Variants in KIF13A observed in about 807,000 individuals in gnomAD.
KIF13A encodes kinesin family member 13A.
A neutral mutation model predicts 212.2 loss-of-function variants in KIF13A; 79 were observed. The ratio of observed to expected loss-of-function variants is 0.37; its 90% CI spans 0.31 to 0.45. KIF13A has a LOEUF of 0.45. KIF13A is among the 20% of genes least tolerant of loss of function. The pLI is 1.00. For missense variants in KIF13A, 1,901 were observed against 2,209.0 expected (o/e 0.86, Z 2.79); for synonymous variants, 789 against 808.6 (o/e 0.98, Z 0.41).
At position 17,808,795 on chromosome 6, in the gene KIF13A, A is replaced by T. The variant is rs376926054; in HGVS notation, c.2136T>A (p.Pro712=). The T allele has an allele frequency of 3.1e-6, 5 of 1,613,566 alleles. No individual in the cohort carries two copies. Among genetic ancestry groups the T allele is most frequent in the Non-Finnish European group, 4.2e-6 (5 of 1,179,782 alleles). Residue 712 remains proline (P), a synonymous_variant, in exon 18 of 39, where the codon CCT becomes CCA. Coordinates refer to ENST00000259711, the MANE Select transcript of KIF13A (RefSeq NM_022113.6). ...LTDYQVTLQI[P]AANLSANRKR... Reference sequence around the variant, plus strand: ...TCCTATTGGCACTGAGGTTTGCAGCAGGGATCTGAAGAGTCACTTGGTAAT... The same window carrying T: ...TCCTATTGGCACTGAGGTTTGCAGCTGGGATCTGAAGAGTCACTTGGTAAT...
At chr6:17,929,213 A>G (rs919031387) in intron 2 of KIF13A, among the ~76,000 whole-genome samples, 2 of 152,098 alleles carry the variant, frequency 1.3e-5, no homozygotes, top group African/African-American at 2.4e-5. Context: ...TGTGTGTGAG[A>G]GAGACAGAGA....
At chr6:17,852,140 G>T in intron 6 of KIF13A, 98 bp from the exon 7 acceptor site, 1 of 536,400 alleles carries the variant, frequency 1.9e-6, no homozygotes, top group Non-Finnish European at 3.1e-6. Flanking sequence ...AATTTCAAAA[G>T]AATTTTTAAA....
intron 28 of KIF13A, among the ~76,000 whole-genome samples, chr6:17,784,859 A>G (rs921702449): frequency 2.0e-5 from 3 of 152,204 alleles, no homozygotes; most frequent in African/African-American, 7.2e-5. Context: ...AGTTTCAGAA[A>G]ACAGACCACG....
rs1209429396 is a variant in KIF13A, at chr6:17,898,947, T to C, written c.147-767A>G. Among the ~76,000 whole-genome samples the C allele has an allele frequency of 2.0e-5, 3 of 152,132 alleles. No individual in the cohort carries two copies. The East Asian group carries it at 5.8e-4, about 29-fold the overall frequency. On this transcript the variant is annotated intron_variant, in intron 2 of 38. Transcript: ENST00000259711. The surrounding 1 kb of genome is among the most constrained non-coding windows in gnomAD (Gnocchi z 5.2). ...AACTCCTGGGCTCAACTGATCCTCC[T>C]ACCTCAGCCTCCCACATAACTAGGA...
Position 17,918,944 on chromosome 6 carries a change from G to A in KIF13A, c.147-20764C>T, listed in dbSNP as rs918043003. Reference sequence around the variant, plus strand: ...TGGATCTGACAGTTATAAGATCCACGGAAAGAGAGGCTTTGTCTATCTTGT... The same window carrying A: ...TGGATCTGACAGTTATAAGATCCACAGAAAGAGAGGCTTTGTCTATCTTGT... On this transcript the variant is annotated intron_variant, in intron 2 of 38. Coordinates refer to ENST00000259711, the MANE Select transcript of KIF13A (RefSeq NM_022113.6). The surrounding 1 kb of genome is among the most constrained non-coding windows in gnomAD (Gnocchi z 4.8). Among the ~76,000 whole-genome samples the A allele has an allele frequency of 3.9e-5, 6 of 152,086 alleles. No individual in the cohort carries two copies. Among genetic ancestry groups the A allele is most frequent in the Non-Finnish European group, 7.4e-5 (5 of 68,016 alleles).
At chr6:17,929,072 A>C (rs933194746) in intron 2 of KIF13A, among the ~76,000 whole-genome samples, 2 of 146,930 alleles carry the variant, frequency 1.4e-5, no homozygotes, top group Admixed American at 6.7e-5. Context: ...AAAAAAAAAA[A>C]AAAAAAAAAA....
chr6:17,824,274 A>G (rs1313376126), intron 16 of KIF13A, among the ~76,000 whole-genome samples: 2 of 152,178 alleles, frequency 1.3e-5, no homozygotes, highest in Non-Finnish European at 2.9e-5. Context: ...ACAGAAATCA[A>G]TGAAAAGGCC....
chr6:17,894,140 A>ATT lies in KIF13A; in HGVS notation c.159+4026_159+4027dup, dbSNP rs1226543364. Among the ~76,000 whole-genome samples, 304 of 112,462 alleles carry ATT rather than the reference A, an allele frequency of 2.7e-3. 2 individuals carry two copies. The highest frequency in any genetic ancestry group is 8.8e-3 in the African/African-American group (275 of 31,170). The allele number at this position is 112,462 out of a possible 152,430, so 73.8% of individuals were successfully genotyped here. A position where few individuals can be genotyped will look rare whatever the true frequency, so the allele number is the denominator to read the frequency against. ...GGTGTGAGCCACTGCGTCTCACCCC[A>ATT]TTTTTTTTTTTTTTTGAGACAGGGT... On this transcript the variant is annotated intron_variant, in intron 3 of 38. Transcript: ENST00000259711.
rs1759450753 is a variant in KIF13A, at chr6:17,771,080, C to T, written c.4581+34G>A. ...TGTGAAAGGGCCTTAAACCCACCAC[C>T]AGGCAATATGACAGAAATGGTTCCG... On this transcript the variant is annotated intron_variant, in intron 38 of 38. Coordinates refer to ENST00000259711, the MANE Select transcript of KIF13A (RefSeq NM_022113.6). The surrounding 1 kb of genome is among the most constrained non-coding windows in gnomAD (Gnocchi z 5.4). The T allele has an allele frequency of 7.0e-7, 1 of 1,419,462 alleles. No individual in the cohort carries two copies. The highest frequency in any genetic ancestry group is 9.9e-7 in the Non-Finnish European group (1 of 1,012,872). The allele number at this position is 1,419,462 out of a possible 1,614,324, so 87.9% of individuals were successfully genotyped here. A position where few individuals can be genotyped will look rare whatever the true frequency, so the allele number is the denominator to read the frequency against.
intron 4 of KIF13A, among the ~76,000 whole-genome samples, chr6:17,868,291 G>C (rs907716002): frequency 6.6e-6 from 1 of 152,128 alleles, no homozygotes; most frequent in African/African-American, 2.4e-5. Flanking sequence ...GGAAGTCACT[G>C]TTATCTACTA....
rs1216192251 is a variant in KIF13A, at chr6:17,926,165, A to C, written c.147-27985T>G. On this transcript the variant is annotated intron_variant, in intron 2 of 38. Coordinates refer to ENST00000259711, the MANE Select transcript of KIF13A (RefSeq NM_022113.6). The surrounding 1 kb of genome is among the most constrained non-coding windows in gnomAD (Gnocchi z 4.3). ...AATGCATTGCTTATCTTGTATTAATATATAGAGTGACCAACATTCAGTTCT... is the reference window on the plus strand; with the variant it reads ...AATGCATTGCTTATCTTGTATTAATCTATAGAGTGACCAACATTCAGTTCT... Among the ~76,000 whole-genome samples, 1 of 152,158 alleles carries C rather than the reference A, an allele frequency of 6.6e-6. No individual in the cohort carries two copies. The highest frequency in any genetic ancestry group is 1.5e-5 in the Non-Finnish European group (1 of 68,024).
chr6:17,854,327 G>A (rs1767941470), intron 6 of KIF13A, among the ~76,000 whole-genome samples: 2 of 151,824 alleles, frequency 1.3e-5, no homozygotes, highest in Non-Finnish European at 2.9e-5. Flanking sequence ...TAGTAGAGAC[G>A]GTGTTTCACC....
In KIF13A at chr6:17,776,508, A is replaced by G. The variant is rs1759995447; in HGVS notation, c.4170+769T>C. 6.6e-6 allele frequency among the ~76,000 whole-genome samples: 1 copy of G among 152,194 alleles called. No homozygotes were observed. The highest frequency in any genetic ancestry group is 1.5e-5 in the Non-Finnish European group (1 of 68,034). ...TATGAGTCTCTCTTATCTATTTCTA[A>G]TAAATGCATTGTGGTCAGAAGAAGT... On this transcript the variant is annotated intron_variant, in intron 34 of 38. Transcript: ENST00000259711. This position sits in a 1 kb window ranked among gnomAD's most constrained non-coding sequence, Gnocchi z 4.6.
chr6:17,861,873 G>C (rs1246028435), intron 4 of KIF13A, among the ~76,000 whole-genome samples: 2 of 152,124 alleles, frequency 1.3e-5, no homozygotes, highest in African/African-American at 4.8e-5. Flanking sequence ...TCATACGAAA[G>C]CTCCTGGTCT....
At chr6:17,868,519 G>GC (rs1292857106) in intron 4 of KIF13A, among the ~76,000 whole-genome samples, 1 of 150,904 alleles carries the variant, frequency 6.6e-6, no homozygotes, top group Non-Finnish European at 1.5e-5. Context: ...GAAATGCCAT[G>GC]CTCCAGGTAT....
chr6:17,875,120 C>T (rs1242990097), intron 3 of KIF13A, among the ~76,000 whole-genome samples: 1 of 151,836 alleles, frequency 6.6e-6, no homozygotes, highest in Non-Finnish European at 1.5e-5. Flanking sequence ...CATGCATGTG[C>T]AAGTATCTTT....
Position 17,926,476 on chromosome 6 carries a change from C to T in KIF13A, c.147-28296G>A, listed in dbSNP as rs976385664. 6.6e-6 allele frequency among the ~76,000 whole-genome samples: 1 copy of T among 152,166 alleles called. No individual in the cohort carries two copies. The highest frequency in any genetic ancestry group is 6.5e-5 in the Admixed American group (1 of 15,274). On this transcript the variant is annotated intron_variant, in intron 2 of 38. Transcript: ENST00000259711. This position sits in a 1 kb window ranked among gnomAD's most constrained non-coding sequence, Gnocchi z 4.3. ...TTGAACTCCAGCCTCAAGTGATCTGCCTGCCTCGGCCTCCCAAAGTGCTGG... is the reference window on the plus strand; with the variant it reads ...TTGAACTCCAGCCTCAAGTGATCTGTCTGCCTCGGCCTCCCAAAGTGCTGG...
intron 17 of KIF13A, among the ~76,000 whole-genome samples, chr6:17,810,646 G>C (rs1272760998): frequency 6.6e-6 from 1 of 152,204 alleles, no homozygotes; most frequent in African/African-American, 2.4e-5. Flanking sequence ...TCACCATAAT[G>C]TAGAATCAGT....
chr6:17,792,196 C>CA (rs10666115), intron 25 of KIF13A, among the ~76,000 whole-genome samples: 5,811 of 75,042 alleles, frequency 0.077, 754 homozygotes, highest in African/African-American at 0.22. Context: ...GAGTGAGACT[C>CA]AAAAAAAAAA....
Sources: allele counts gnomAD v4.1 joint callset (sites outside exome capture counted in the v4.1 genomes callset), GRCh38; gene constraint gnomAD v4.1.1; non-coding constraint Gnocchi (gnomAD v3.1); transcripts MANE v1.5; gene names NCBI Gene and HGNC (gene_info 2026-07-23, HGNC 2026-07-21).